Variants in CLEC16A observed in about 807,000 individuals in gnomAD.
CLEC16A encodes protein CLEC16A.
CLEC16A carries 51 observed loss-of-function variants against 109.5 expected under a neutral mutation model. That is an observed-to-expected ratio of 0.47 (90% CI 0.37 to 0.59). The LOEUF (loss-of-function observed/expected upper bound fraction) is 0.59, where lower values mean the gene tolerates loss of function less well. Ranked by LOEUF, CLEC16A falls within the 20% of genes least tolerant of loss-of-function variation. The pLI is 0.00. For missense variants in CLEC16A, 1,339 were observed against 1,394.0 expected (o/e 0.96, Z 0.63); for synonymous variants, 673 against 564.2 (o/e 1.19, Z -2.73).
At chr16:11,152,716 C>T (rs2054340809) in intron 22 of CLEC16A, among the ~76,000 whole-genome samples, 1 of 152,180 alleles carries the variant, frequency 6.6e-6, no homozygotes, top group African/African-American at 2.4e-5. Flanking sequence ...CCACTGTGGT[C>T]CCAAATAATA....
At chr16:10,968,417 G>A (rs2042617796) in intron 3 of CLEC16A, among the ~76,000 whole-genome samples, 1 of 152,206 alleles carries the variant, frequency 6.6e-6, no homozygotes, top group South Asian at 2.1e-4. Flanking sequence ...CCAGGCGCTG[G>A]GAGCTGGGGA....
intron 20 of CLEC16A, 70 bp from the exon 21 acceptor site, chr16:11,123,672 A>T: frequency 6.9e-7 from 1 of 1,459,488 alleles, no homozygotes; most frequent in Non-Finnish European, 9.6e-7. Context: ...ATGCCTCATG[A>T]TGCCACAGCT....
intron 12 of CLEC16A, chr16:11,024,014 G>C (rs1461947711): frequency 6.6e-6 from 1 of 152,230 alleles, no homozygotes; most frequent in Non-Finnish European, 1.5e-5. Context: ...CCTCTCTACA[G>C]ATCTCACCCA....
intron 12 of CLEC16A, 115 bp from the exon 13 acceptor site, chr16:11,024,706 G>A (rs756029687): frequency 1.8e-5 from 13 of 731,150 alleles, no homozygotes; most frequent in Non-Finnish European, 2.8e-5. Flanking sequence ...CAGGCACACA[G>A]TTGTGGCCTA....
intron 10 of CLEC16A, among the ~76,000 whole-genome samples, chr16:10,991,803 G>A (rs1341663879): frequency 1.3e-5 from 2 of 152,222 alleles, no homozygotes; most frequent in South Asian, 2.1e-4. Context: ...TGCTTTGCCT[G>A]ATGGGAGCCT....
intron 19 of CLEC16A, among the ~76,000 whole-genome samples, chr16:11,093,401 C>T (rs1195553737): frequency 6.6e-6 from 1 of 152,142 alleles, no homozygotes; most frequent in Non-Finnish European, 1.5e-5. Context: ...CCTCCTAAAC[C>T]CTAGCTGACA....
At chr16:10,977,102 T>G in intron 7 of CLEC16A, 123 bp from the exon 8 acceptor site, 1 of 879,832 alleles carries the variant, frequency 1.1e-6, no homozygotes, top group Non-Finnish European at 1.7e-6. Flanking sequence ...AGGATAAGTG[T>G]CTCTTGAGAC....
intron 10 of CLEC16A, among the ~76,000 whole-genome samples, chr16:10,991,414 A>G (rs2043998336): frequency 1.6e-5 from 2 of 128,712 alleles, no homozygotes; most frequent in African/African-American, 3.3e-5. Flanking sequence ...ACAGAGCAAG[A>G]CTCCGTCTCA....
chr16:10,984,189 C>T (rs1259249143), intron 10 of CLEC16A, among the ~76,000 whole-genome samples: 1 of 152,144 alleles, frequency 6.6e-6, no homozygotes, highest in Non-Finnish European at 1.5e-5. Context: ...GAAAGGCCAC[C>T]ACTGCATGGA....
intron 7 of CLEC16A, among the ~76,000 whole-genome samples, chr16:10,976,178 G>C (rs1213751800): frequency 6.6e-6 from 1 of 152,142 alleles, no homozygotes; most frequent in Non-Finnish European, 1.5e-5. Flanking sequence ...GCTGAGGTGG[G>C]AGGATCCCTT....
At chr16:11,113,614 G>A (rs34215426) in intron 19 of CLEC16A, among the ~76,000 whole-genome samples, 21,580 of 152,028 alleles carry the variant, frequency 0.14, 1,600 homozygotes, top group African/African-American at 0.19. Context: ...AGCCATGATC[G>A]CTCCCCTGTA....
intron 11 of CLEC16A, among the ~76,000 whole-genome samples, chr16:11,016,611 C>T (rs935796487): frequency 3.3e-5 from 5 of 152,218 alleles, no homozygotes; most frequent in Non-Finnish European, 7.4e-5. Flanking sequence ...GCTAGGATTA[C>T]AGGCATGAGC....
rs1378937141 is a variant in CLEC16A at position 11,063,193 on chromosome 16, G to T, written c.2116+2171G>T. Among the ~76,000 whole-genome samples the T allele has an allele frequency of 4.0e-5, 6 of 151,166 alleles. No individual in the cohort carries two copies. In the East Asian group the frequency reaches 9.8e-4, roughly 25 times the overall value. ...CTTTTGCTAAGGAGGGCGACTTTCAGAAAATAGTAGGGATTATGGAAGCAC... is the reference window on the plus strand; with the variant it reads ...CTTTTGCTAAGGAGGGCGACTTTCATAAAATAGTAGGGATTATGGAAGCAC... On this transcript the variant is annotated intron_variant, in intron 19 of 23. Transcript: ENST00000409790.
At chr16:11,081,669 G>A (rs2049727189) in intron 19 of CLEC16A, among the ~76,000 whole-genome samples, 1 of 152,124 alleles carries the variant, frequency 6.6e-6, no homozygotes, top group Non-Finnish European at 1.5e-5. Context: ...AGCCAGGAGA[G>A]CATAGGGGTT....
chr16:10,950,117 C>T (rs1385907697), intron 1 of CLEC16A, among the ~76,000 whole-genome samples: 2 of 152,164 alleles, frequency 1.3e-5, no homozygotes, highest in African/African-American at 4.8e-5. Context: ...AGCTCCTGTG[C>T]GTTCTTAAAG....
At chr16:11,118,148 C>T (rs576252119) in intron 19 of CLEC16A, among the ~76,000 whole-genome samples, 24 of 151,976 alleles carry the variant, frequency 1.6e-4, no homozygotes, top group African/African-American at 5.1e-4. Flanking sequence ...GAGACAGGGT[C>T]TCACTATGTT....
chr16:11,037,224 C>A (rs970926887), intron 13 of CLEC16A, among the ~76,000 whole-genome samples: 2 of 152,176 alleles, frequency 1.3e-5, no homozygotes, highest in African/African-American at 4.8e-5. Flanking sequence ...AGAGGACGGG[C>A]CCCCTGTGTG....
chr16:10,972,918 T>C lies in CLEC16A; in HGVS notation c.605-20T>C. On this transcript the variant is annotated intron_variant, in intron 6 of 23. Coordinates refer to ENST00000409790, the MANE Select transcript of CLEC16A (RefSeq NM_015226.3). Reference sequence around the variant, plus strand: ...ATTTTTGGTAGCTTGACTTTTTTTTTCTTCTGTGAATTTTCTCAGTGGATA... The same window carrying C: ...ATTTTTGGTAGCTTGACTTTTTTTTCCTTCTGTGAATTTTCTCAGTGGATA... The C allele has an allele frequency of 2.5e-6, 4 of 1,572,164 alleles. No homozygotes were observed. Among genetic ancestry groups the C allele is most frequent in the Admixed American group, 2.0e-5 (1 of 49,592 alleles).
intron 23 of CLEC16A, among the ~76,000 whole-genome samples, chr16:11,172,004 A>G (rs1275766165): frequency 1.3e-5 from 2 of 151,924 alleles, no homozygotes; most frequent in Non-Finnish European, 2.9e-5. Flanking sequence ...CAGGGCATAC[A>G]CACACTCACA....
Sources: allele counts gnomAD v4.1 joint callset (sites outside exome capture counted in the v4.1 genomes callset), GRCh38; gene constraint gnomAD v4.1.1; transcripts MANE v1.5; gene names NCBI Gene and HGNC (gene_info 2026-07-23, HGNC 2026-07-21).